The following RTN4RL1 variants were observed in gnomAD, a reference collection of about 807,000 sequenced individuals.
The protein encoded by RTN4RL1 is reticulon-4 receptor-like 1.
In RTN4RL1, 7 loss-of-function variants were observed where a neutral mutation model predicts 25.6. The observed-to-expected ratio is 0.27, with a 90% CI of 0.16 to 0.51. The LOEUF is 0.51. RTN4RL1 is among the 20% of genes least tolerant of loss of function. The pLI, the probability that RTN4RL1 is intolerant of heterozygous loss-of-function variation, is 0.97. For synonymous variants in RTN4RL1, 297 were observed against 288.2 expected (o/e 1.03, Z -0.31); for missense variants, 500 against 615.6 (o/e 0.81, Z 1.99).
chr17:1,964,718 C>CA (rs1216585863), intron 1 of RTN4RL1, among the ~76,000 whole-genome samples: 2 of 151,264 alleles, frequency 1.3e-5, no homozygotes, highest in Non-Finnish European at 2.9e-5. Context: ...GGCGACAGAG[C>CA]AAGAACCTGT....
intron 1 of RTN4RL1, among the ~76,000 whole-genome samples, chr17:1,983,020 T>C (rs1011373016): frequency 4.0e-5 from 6 of 151,894 alleles, no homozygotes; most frequent in African/African-American, 1.5e-4. Context: ...GTGGTGGAGC[T>C]ATGCTGAGAC....
intron 1 of RTN4RL1, among the ~76,000 whole-genome samples, chr17:2,007,878 G>C (rs1317100738): frequency 6.6e-6 from 1 of 151,476 alleles, no homozygotes; most frequent in Non-Finnish European, 1.5e-5. Flanking sequence ...CCTGGAAGGA[G>C]GAGGCTGCAG....
At chr17:2,011,280 TA>T (rs1260190086) in intron 1 of RTN4RL1, among the ~76,000 whole-genome samples, 3 of 151,964 alleles carry the variant, frequency 2.0e-5, no homozygotes, top group Non-Finnish European at 4.4e-5. Context: ...GAAATAAAAA[TA>T]AACGTTTGTC....
intron 1 of RTN4RL1, among the ~76,000 whole-genome samples, chr17:1,965,301 G>T (rs1597498933): frequency 6.8e-6 from 1 of 147,502 alleles, no homozygotes; most frequent in Non-Finnish European, 1.5e-5. Flanking sequence ...TAGTAGAGAT[G>T]GGGTTTCACC....
intron 1 of RTN4RL1, among the ~76,000 whole-genome samples, chr17:1,958,948 C>T (rs1053894817): frequency 6.6e-6 from 1 of 152,236 alleles, no homozygotes; most frequent in African/African-American, 2.4e-5. Context: ...AAATCTGATC[C>T]TTTTTCAGCT....
chr17:2,024,842 C>T lies in RTN4RL1; in HGVS notation c.13+11G>A, dbSNP rs754258848. ...ATTCAACTTCAACTTGCCCCTGCGGCTCCAACTCACCTTTGCGAAGCATGT... is the reference window on the plus strand; with the variant it reads ...ATTCAACTTCAACTTGCCCCTGCGGTTCCAACTCACCTTTGCGAAGCATGT... On this transcript the variant is annotated intron_variant, in intron 1 of 1. Transcript: ENST00000331238. 5 of 1,578,518 alleles carry T rather than the reference C, an allele frequency of 3.2e-6. No individual in the cohort carries two copies. The East Asian group carries it at 9.4e-5, about 30-fold the overall frequency.
chr17:1,947,283 C>A (rs961495450), intron 1 of RTN4RL1, among the ~76,000 whole-genome samples: 1 of 152,196 alleles, frequency 6.6e-6, no homozygotes, highest in African/African-American at 2.4e-5. Context: ...GCTGAGTGCA[C>A]GTGCAAAGCC....
At chr17:1,947,598 TTCAGCTTTCATCTGCC>T (rs145551147) in intron 1 of RTN4RL1, among the ~76,000 whole-genome samples, 13,430 of 152,244 alleles carry the variant, frequency 0.088, 861 homozygotes, top group African/African-American at 0.16. Context: ...GGAATAGCCT[TTCAGCTTTCATCTGCC>T]TCGCTGGGCC....
chr17:1,988,361 C>T (rs1178257755), intron 1 of RTN4RL1, among the ~76,000 whole-genome samples: 2 of 139,262 alleles, frequency 1.4e-5, no homozygotes, highest in African/African-American at 2.7e-5. Context: ...GCCAAGATGG[C>T]GTCACTGCAT....
intron 1 of RTN4RL1, among the ~76,000 whole-genome samples, chr17:2,013,344 C>T (rs981271191): frequency 1.3e-5 from 2 of 152,202 alleles, no homozygotes; most frequent in Non-Finnish European, 2.9e-5. Context: ...GTAGCAGATA[C>T]TGCGAGGGCC....
At chr17:1,979,036 G>A (rs1031815505) in intron 1 of RTN4RL1, among the ~76,000 whole-genome samples, 6 of 152,248 alleles carry the variant, frequency 3.9e-5, no homozygotes, top group South Asian at 2.1e-4. Context: ...ACTTTGGGAC[G>A]CCTAGGCGAG....
chr17:2,005,757 C>CAG (rs2066989399), intron 1 of RTN4RL1, among the ~76,000 whole-genome samples: 1 of 150,990 alleles, frequency 6.6e-6, no homozygotes, highest in African/African-American at 2.4e-5. Context: ...CTCTCTCTCT[C>CAG]TCTCTCTCCT....
chr17:1,955,745 G>A (rs977316396), intron 1 of RTN4RL1, among the ~76,000 whole-genome samples: 1 of 151,534 alleles, frequency 6.6e-6, no homozygotes, highest in Non-Finnish European at 1.5e-5. Flanking sequence ...CACCATGCCC[G>A]GCGAATTTTT....
Position 1,936,752 on chromosome 17 carries a change from G to A in RTN4RL1, c.1070C>T (p.Thr357Ile). 1.3e-6 allele frequency: 2 copies of A among 1,596,450 alleles called. No individual in the cohort carries two copies. The highest frequency in any genetic ancestry group is 2.3e-5 in the South Asian group (2 of 88,116). Residue 357 changes from threonine to isoleucine, a missense_variant, in exon 2 of 2, where the codon ACC (threonine) becomes ATC (isoleucine). By Grantham distance (89) the Thr-to-Ile change is moderately conservative. Transcript: ENST00000331238. The part of the protein sequence containing the change: ...PGHRKPGKNC[T>I]NPRNRNQISK... ...GATCTGATTGCGGTTCCTGGGGTTG[G>A]TGCAGTTCTTCCCCGGCTTCCTGTG...
chr17:1,950,716 G>A (rs568246761), intron 1 of RTN4RL1, among the ~76,000 whole-genome samples: 164 of 151,458 alleles, frequency 1.1e-3, no homozygotes, highest in Admixed American at 2.2e-3. Flanking sequence ...GTGTGGTGGC[G>A]CGCACCTGTA....
chr17:1,946,620 G>A (rs981623741), intron 1 of RTN4RL1, among the ~76,000 whole-genome samples: 1 of 147,270 alleles, frequency 6.8e-6, no homozygotes, highest in African/African-American at 2.5e-5. Flanking sequence ...GTGTGTCTGT[G>A]TGCACGTGTG....
chr17:1,991,686 T>C (rs2151319355), intron 1 of RTN4RL1, among the ~76,000 whole-genome samples: 1 of 152,296 alleles, frequency 6.6e-6, no homozygotes, highest in African/African-American at 2.4e-5. Flanking sequence ...GCAAGGTAGC[T>C]TGGCATCCAC....
chr17:1,946,703 C>T (rs1256649806), intron 1 of RTN4RL1, among the ~76,000 whole-genome samples: 1 of 130,392 alleles, frequency 7.7e-6, no homozygotes, highest in African/African-American at 3.0e-5. Context: ...TGTGTGTGCA[C>T]GGGGTCTGTG....
chr17:1,954,263 G>T (rs1262010170), intron 1 of RTN4RL1, among the ~76,000 whole-genome samples: 1 of 151,930 alleles, frequency 6.6e-6, no homozygotes, highest in Non-Finnish European at 1.5e-5. Context: ...CTAAAAAAAA[G>T]TCTAACTTAC....
Sources: gnomAD v4.1 joint callset for allele counts (sites outside exome capture counted in the v4.1 genomes callset) on GRCh38, gnomAD v4.1.1 for gene constraint, MANE v1.5 for transcripts, NCBI Gene and HGNC (gene_info 2026-07-23, HGNC 2026-07-21) for gene names.